The following TENM1 variants were observed in gnomAD, a reference collection of about 807,000 sequenced individuals.
TENM1 encodes the protein teneurin-1.
Under a neutral mutation model 174.8 loss-of-function variants are expected in TENM1, and 35 were observed. The ratio of observed to expected loss-of-function variants is 0.20; its 90% CI spans 0.15 to 0.27. The LOEUF (loss-of-function observed/expected upper bound fraction) is 0.27. Ranked by LOEUF, TENM1 falls within the 10% of genes least tolerant of loss-of-function variation. TENM1 has a pLI of 1.00. For synonymous variants in TENM1, 781 were observed against 798.7 expected (o/e 0.98, Z 0.37); for missense variants, 1,633 against 2,130.1 (o/e 0.77, Z 4.59).
rs1223631893 is a variant in TENM1, at chrX:124,878,236, G to A, written c.535+16060C>T. 2.7e-5 allele frequency among the ~76,000 whole-genome samples: 3 copies of A among 111,378 alleles called. No homozygotes were observed. The East Asian group carries it at 8.4e-4, about 31-fold the overall frequency. On this transcript the variant is annotated intron_variant, in intron 3 of 31. Transcript: ENST00000422452. ...TTGTTTTATTTCAATCTAGTTGGGG[G>A]ATACTTACAATTAAAGCCCAGTGTG...
At chrX:124,774,962 A>G (rs746444199) in intron 3 of TENM1, among the ~76,000 whole-genome samples, 58 of 110,961 alleles carry the variant, frequency 5.2e-4, no homozygotes, top group Non-Finnish European at 9.8e-4. Flanking sequence ...GGATCCTCCA[A>G]AACACTCTAG....
the TENM1 span, among the ~76,000 whole-genome samples, chrX:125,020,692 CTGAA>C: frequency 9.0e-6 from 1 of 110,593 alleles, no homozygotes; most frequent in Admixed American, 9.7e-5. Flanking sequence ...ACTTTGGACT[CTGAA>C]TGATCCAATT....
the TENM1 span, among the ~76,000 whole-genome samples, chrX:125,037,002 TGG>T: frequency 8.9e-6 from 1 of 111,852 alleles, no homozygotes; most frequent in South Asian, 3.7e-4. Context: ...ATACCTTTTG[TGG>T]GGCTTCACAT....
At chrX:124,912,052 C>A (rs1440264307) in intron 1 of TENM1, among the ~76,000 whole-genome samples, 1 of 111,619 alleles carries the variant, frequency 9.0e-6, no homozygotes. Context: ...CATATTCTAG[C>A]GGAAATAAAT....
the TENM1 span, among the ~76,000 whole-genome samples, chrX:125,188,455 C>T: frequency 9.0e-6 from 1 of 111,713 alleles, no homozygotes; most frequent in African/African-American, 3.3e-5. Flanking sequence ...TTTAACATTC[C>T]AATATTTTAT....
chrX:124,735,750 G>A (rs1336460631), intron 4 of TENM1, among the ~76,000 whole-genome samples: 1 of 111,507 alleles, frequency 9.0e-6, no homozygotes, highest in East Asian at 2.8e-4. Context: ...GAGTACCACA[G>A]AGCCTTAAAA....
intron 5 of TENM1, among the ~76,000 whole-genome samples, chrX:124,689,135 T>C (rs778955129): frequency 1.8e-5 from 2 of 112,040 alleles, no homozygotes; most frequent in Admixed American, 9.5e-5. Context: ...TAAATGATGA[T>C]GTCAAAAGTT....
chrX:124,754,913 T>C (rs1485282065), intron 3 of TENM1, among the ~76,000 whole-genome samples: 2 of 106,071 alleles, frequency 1.9e-5, no homozygotes, highest in Non-Finnish European at 3.8e-5. Context: ...TCCAACTATG[T>C]GGTCAATTTT....
chrX:125,027,611 C>CTTTTTTTTTTTTTTT, the TENM1 span, among the ~76,000 whole-genome samples: 3 of 83,067 alleles, frequency 3.6e-5, no homozygotes, highest in African/African-American at 4.5e-5. Flanking sequence ...TTTTCTTTTT[C>CTTTTTTTTTTTTTTT]TTTTTTTTTT....
rs1217120404 is a variant in TENM1, at chrX:124,462,431, T to TG, written c.3950-8941dup. Among the ~76,000 whole-genome samples, 85 of 9,008 alleles carry TG rather than the reference T, an allele frequency of 9.4e-3. No individual in the cohort carries two copies. In the South Asian group the frequency reaches 0.11, roughly 12 times the overall value. The allele number at this position is 9,008 out of a possible 115,157, so 7.8% of individuals were successfully genotyped here. On this transcript the variant is annotated intron_variant, in intron 22 of 31. Transcript: ENST00000422452. The stretch of plus-strand genomic sequence containing the variant: ...GCTATTGAGATACTGTGTGTGTGTG[T>TG]GGGGGGGGTGGGGGTGGGGGGGAGG...
intron 8 of TENM1, among the ~76,000 whole-genome samples, chrX:124,650,131 G>A (rs758911557): frequency 1.2e-4 from 12 of 103,412 alleles, no homozygotes; most frequent in Admixed American, 1.1e-3. Context: ...GAACCCAGGA[G>A]GCGAAGGTTG....
chrX:125,183,724 G>A, the TENM1 span, among the ~76,000 whole-genome samples: 1 of 111,728 alleles, frequency 9.0e-6, no homozygotes. Context: ...GTACTAGTAC[G>A]CATGGAGTGA....
chrX:124,442,689 G>A (rs564881992), intron 23 of TENM1, among the ~76,000 whole-genome samples: 8 of 111,380 alleles, frequency 7.2e-5, no homozygotes, highest in African/African-American at 2.6e-4. Flanking sequence ...TTGAGACATT[G>A]TTTCACTCTG....
chrX:124,560,898 C>T (rs2048804643), intron 14 of TENM1, among the ~76,000 whole-genome samples: 1 of 111,482 alleles, frequency 9.0e-6, no homozygotes, highest in Non-Finnish European at 1.9e-5. Context: ...TAGGCTCACT[C>T]AGAGGTGGTT....
intron 3 of TENM1, among the ~76,000 whole-genome samples, chrX:124,747,504 C>A (rs1000432585): frequency 9.7e-6 from 1 of 103,056 alleles, no homozygotes; most frequent in Admixed American, 1.0e-4. Context: ...TGGGTTGGTG[C>A]AAAAGTAATT....
At chrX:124,731,516 G>C (rs1327440976) in intron 4 of TENM1, among the ~76,000 whole-genome samples, 2 of 111,828 alleles carry the variant, frequency 1.8e-5, no homozygotes, top group African/African-American at 6.5e-5. Context: ...TGTGGTTGAA[G>C]TGTGACAGGA....
intron 4 of TENM1, among the ~76,000 whole-genome samples, chrX:124,735,540 C>T (rs938628177): frequency 8.1e-5 from 9 of 111,670 alleles, no homozygotes; most frequent in African/African-American, 2.9e-4. Context: ...AACAGTATGG[C>T]GATTTTTAAT....
chrX:125,002,324 G>A, the TENM1 span, among the ~76,000 whole-genome samples: 1 of 111,390 alleles, frequency 9.0e-6, no homozygotes, highest in Non-Finnish European at 1.9e-5. Flanking sequence ...AGAGAGCAAG[G>A]AGCTCCATAA....
intron 1 of TENM1, among the ~76,000 whole-genome samples, chrX:124,934,355 T>A (rs1437544995): frequency 8.9e-6 from 1 of 112,217 alleles, no homozygotes; most frequent in Non-Finnish European, 1.9e-5. Context: ...TACTAACATA[T>A]TCAAACATTC....
Sources: gnomAD v4.1 joint callset for allele counts (sites outside exome capture counted in the v4.1 genomes callset) on GRCh38, gnomAD v4.1.1 for gene constraint, MANE v1.5 for transcripts, NCBI Gene and HGNC (gene_info 2026-07-23, HGNC 2026-07-21) for gene names.